Variants in ADAMTS17 observed in about 807,000 individuals in gnomAD.
The protein encoded by ADAMTS17 is A disintegrin and metalloproteinase with thrombospondin motifs 17.
ADAMTS17 carries 113 observed loss-of-function variants against 141.5 expected under a neutral mutation model. The observed-to-expected ratio is 0.80, with a 90% CI of 0.69 to 0.93. The LOEUF (loss-of-function observed/expected upper bound fraction) is 0.93. Among genes scored for constraint, ADAMTS17 ranks in the 40% least tolerant of loss-of-function variants. The pLI is 0.00. For synonymous variants in ADAMTS17, 768 were observed against 630.6 expected (o/e 1.22, Z -3.27); for missense variants, 1,659 against 1,517.9 (o/e 1.09, Z -1.54).
At chr15:100,260,915 G>A (rs1047195180) in intron 6 of ADAMTS17, among the ~76,000 whole-genome samples, 21 of 152,094 alleles carry the variant, frequency 1.4e-4, no homozygotes, top group Admixed American at 1.4e-3. Flanking sequence ...GAGAGTTTTG[G>A]TATGAACATG....
chr15:100,317,168 A>G (rs2045591071), intron 3 of ADAMTS17, among the ~76,000 whole-genome samples: 1 of 152,222 alleles, frequency 6.6e-6, no homozygotes, highest in Non-Finnish European at 1.5e-5. Flanking sequence ...CGTTTGTCTA[A>G]AAAACACATA....
intron 21 of ADAMTS17, 60 bp downstream of exon 21, chr15:99,975,985 G>T: frequency 6.7e-7 from 1 of 1,500,750 alleles, no homozygotes; most frequent in Non-Finnish European, 9.0e-7. Context: ...CGTCAGGGAG[G>T]ACTTACTGGG....
intron 14 of ADAMTS17, among the ~76,000 whole-genome samples, chr15:100,098,881 T>C (rs2035927360): frequency 6.6e-6 from 1 of 152,218 alleles, no homozygotes; most frequent in Non-Finnish European, 1.5e-5. Flanking sequence ...GCCTCTTTCC[T>C]GGCACCTGTT....
chr15:100,210,691 C>T (rs928887575), intron 7 of ADAMTS17, among the ~76,000 whole-genome samples: 4 of 152,232 alleles, frequency 2.6e-5, no homozygotes, highest in South Asian at 4.1e-4. Context: ...GCTAGTCAGG[C>T]GCAGTGGCTC....
At chr15:100,144,703 G>A (rs1041841907) in intron 10 of ADAMTS17, among the ~76,000 whole-genome samples, 1 of 151,640 alleles carries the variant, frequency 6.6e-6, no homozygotes, top group South Asian at 2.1e-4. Context: ...TCCTATCCTG[G>A]TTCACCAATT....
intron 3 of ADAMTS17, among the ~76,000 whole-genome samples, chr15:100,291,570 AG>A (rs558689056): frequency 1.3e-5 from 2 of 152,348 alleles, no homozygotes; most frequent in South Asian, 4.1e-4. Context: ...GATTCACAAT[AG>A]CAAAAACCTG....
chr15:99,974,269 G>C lies in ADAMTS17; in HGVS notation c.*133C>G. ...CGGAAGCACTAATGGCAAACGCCAA[G>C]TCCACGCTCATGTTCTATGTAGTTG... On this transcript the variant is annotated 3_prime_UTR_variant, in exon 22 of 22. Coordinates refer to ENST00000268070, the MANE Select transcript of ADAMTS17 (RefSeq NM_139057.4). The C allele has an allele frequency of 8.4e-7, 1 of 1,197,466 alleles. No homozygotes were observed. The highest frequency in any genetic ancestry group is 1.2e-6 in the Non-Finnish European group (1 of 821,348). 74.2% of individuals were successfully genotyped at this position (1,197,466 alleles called of 1,614,324 possible). A position where few individuals can be genotyped will look rare whatever the true frequency, so the allele number is the denominator to read the frequency against.
intron 7 of ADAMTS17, among the ~76,000 whole-genome samples, chr15:100,223,333 C>G (rs59178373): frequency 6.6e-6 from 1 of 152,018 alleles, no homozygotes; most frequent in Admixed American, 6.6e-5. Context: ...AGCACTGACT[C>G]TTTTTTTTCA....
At chr15:99,977,123 A>G (rs1318154545) in intron 20 of ADAMTS17, among the ~76,000 whole-genome samples, 1 of 151,932 alleles carries the variant, frequency 6.6e-6, no homozygotes, top group African/African-American at 2.4e-5. Context: ...CTTAGAATTA[A>G]GTAAAAGAAA....
chr15:100,203,272 G>A (rs944876224), intron 7 of ADAMTS17, among the ~76,000 whole-genome samples: 4 of 152,174 alleles, frequency 2.6e-5, no homozygotes, highest in African/African-American at 9.7e-5. Flanking sequence ...AACACAGAGG[G>A]TAAAAATGAA....
intron 8 of ADAMTS17, among the ~76,000 whole-genome samples, chr15:100,155,538 G>A (rs770526530): frequency 7.9e-5 from 12 of 152,238 alleles, no homozygotes; most frequent in Non-Finnish European, 1.5e-4. Context: ...GCAAATGACA[G>A]ACACTAATAG....
chr15:100,265,028 A>G (rs185444749), intron 4 of ADAMTS17, among the ~76,000 whole-genome samples: 1 of 152,340 alleles, frequency 6.6e-6, no homozygotes, highest in Admixed American at 6.5e-5. Context: ...CATGCTCTAA[A>G]TAATGTTCTC....
At chr15:100,148,200 G>T (rs2038998842) in intron 10 of ADAMTS17, among the ~76,000 whole-genome samples, 1 of 152,206 alleles carries the variant, frequency 6.6e-6, no homozygotes, top group Non-Finnish European at 1.5e-5. Context: ...CTGAGGATAG[G>T]ACATAAAGAT....
intron 18 of ADAMTS17, among the ~76,000 whole-genome samples, chr15:100,025,385 T>G (rs960905712): frequency 6.6e-6 from 1 of 151,774 alleles, no homozygotes; most frequent in African/African-American, 2.4e-5. Context: ...GTGAGCCAAT[T>G]TGACAATCTT....
chr15:100,339,604 TCCACATTCCCCG>T (rs2141990866), intron 2 of ADAMTS17, among the ~76,000 whole-genome samples: 1 of 93,438 alleles, frequency 1.1e-5, no homozygotes, highest in Non-Finnish European at 2.2e-5. Context: ...CCGCCCCAGG[TCCACATTCCCCG>T]CCCCAGGTCC....
intron 3 of ADAMTS17, among the ~76,000 whole-genome samples, chr15:100,288,097 T>C (rs1483130015): frequency 6.6e-6 from 1 of 152,252 alleles, no homozygotes; most frequent in Non-Finnish European, 1.5e-5. Context: ...AACAACTGTA[T>C]GCTGTCTTCA....
At chr15:100,330,110 A>G (rs898884086) in intron 3 of ADAMTS17, among the ~76,000 whole-genome samples, 1 of 152,310 alleles carries the variant, frequency 6.6e-6, no homozygotes, top group Middle Eastern at 3.4e-3. Flanking sequence ...AAATGTCCTT[A>G]AACAGGTGAC....
At chr15:100,071,148 TGGA>T (rs2033941897) in intron 15 of ADAMTS17, among the ~76,000 whole-genome samples, 3 of 150,232 alleles carry the variant, frequency 2.0e-5, no homozygotes, top group African/African-American at 7.4e-5. Flanking sequence ...CTAGAAGAAA[TGGA>T]TAAATTCCTT....
chr15:100,316,897 C>T (rs938941761), intron 3 of ADAMTS17, among the ~76,000 whole-genome samples: 4 of 152,222 alleles, frequency 2.6e-5, no homozygotes, highest in Admixed American at 2.0e-4. Context: ...CCACTAGGCC[C>T]ATCCATGGCT....
Sources: gnomAD v4.1 joint callset for allele counts (sites outside exome capture counted in the v4.1 genomes callset) on GRCh38, gnomAD v4.1.1 for gene constraint, MANE v1.5 for transcripts, NCBI Gene and HGNC (gene_info 2026-07-23, HGNC 2026-07-21) for gene names.